Variants in ARHGAP10 observed in about 807,000 individuals in gnomAD.
The protein encoded by ARHGAP10 is rho GTPase-activating protein 10.
Under a neutral mutation model 108.6 loss-of-function variants are expected in ARHGAP10, and 87 were observed. The observed-to-expected ratio is 0.80, with a 90% CI of 0.67 to 0.96. The LOEUF (loss-of-function observed/expected upper bound fraction) is 0.96. ARHGAP10 is among the 40% of genes least tolerant of loss of function. ARHGAP10 has a pLI of 0.00. For synonymous variants in ARHGAP10, 347 were observed against 341.1 expected, an observed-to-expected ratio of 1.02 and a Z score of -0.19; for missense variants, 939 against 954.5, an observed-to-expected ratio of 0.98 and a Z score of 0.21.
chr4:147,777,335 T>C (rs1730340843), intron 1 of ARHGAP10, among the ~76,000 whole-genome samples: 1 of 151,604 alleles, frequency 6.6e-6, no homozygotes, highest in Admixed American at 6.6e-5. Flanking sequence ...TTCGGCTCAC[T>C]GCAAGCTCCA....
intron 18 of ARHGAP10, among the ~76,000 whole-genome samples, chr4:147,976,887 T>G (rs532034714): frequency 9.8e-5 from 15 of 152,346 alleles, no homozygotes; most frequent in African/African-American, 3.6e-4. Context: ...GTGCATAGAT[T>G]TATTCTGTGT....
At chr4:147,857,785 G>C in intron 5 of ARHGAP10, 131 bp downstream of exon 5, 1 of 795,736 alleles carries the variant, frequency 1.3e-6, no homozygotes, top group Non-Finnish European at 1.7e-6. Context: ...AACAGGTATT[G>C]TCATAAATTA....
chr4:147,864,738 AG>A, intron 5 of ARHGAP10, 107 bp from the exon 6 acceptor site: 1 of 816,686 alleles, frequency 1.2e-6, no homozygotes, highest in Non-Finnish European at 2.0e-6. Flanking sequence ...TTACAAAATC[AG>A]GCAGCACACC....
chr4:147,889,281 T>C (rs1735694139), intron 10 of ARHGAP10, among the ~76,000 whole-genome samples: 1 of 152,184 alleles, frequency 6.6e-6, no homozygotes, highest in South Asian at 2.1e-4. Context: ...TGATGCAGTT[T>C]GTACAAGGTT....
At chr4:147,798,009 C>T (rs946793484) in intron 1 of ARHGAP10, among the ~76,000 whole-genome samples, 2 of 152,160 alleles carry the variant, frequency 1.3e-5, no homozygotes, top group African/African-American at 4.8e-5. Flanking sequence ...AGATCGAGGA[C>T]CAAGAATTGT....
At chr4:147,987,032 G>A (rs370476644) in intron 18 of ARHGAP10, among the ~76,000 whole-genome samples, 151 of 152,254 alleles carry the variant, frequency 9.9e-4, no homozygotes, top group African/African-American at 3.4e-3. Flanking sequence ...GGATTATTGC[G>A]GATTGAACTG....
chr4:147,940,474 G>C (rs140062252), intron 14 of ARHGAP10, among the ~76,000 whole-genome samples: 1 of 152,230 alleles, frequency 6.6e-6, no homozygotes, highest in Non-Finnish European at 1.5e-5. Flanking sequence ...GACATTATGT[G>C]AATGACAAAG....
Position 147,851,637 on chromosome 4 carries a change from T to C in ARHGAP10, c.384+4415T>C, listed in dbSNP as rs545678402. On this transcript the variant is annotated intron_variant, in intron 4 of 22. Coordinates refer to ENST00000336498, the MANE Select transcript of ARHGAP10 (RefSeq NM_024605.4). ...TGTATTTAATAGAGCAGAAACAATA[T>C]TGATTTAGTTTAATTACATTTCTTT... Among the ~76,000 whole-genome samples the C allele has an allele frequency of 2.6e-5, 4 of 152,338 alleles. No individual in the cohort carries two copies. The South Asian group carries it at 8.3e-4, about 32-fold the overall frequency.
At chr4:147,789,082 C>G (rs192046183) in intron 1 of ARHGAP10, among the ~76,000 whole-genome samples, 44 of 152,308 alleles carry the variant, frequency 2.9e-4, no homozygotes, top group Non-Finnish European at 4.9e-4. Flanking sequence ...GTGACCTCCC[C>G]TCTTAGCGTC....
intron 18 of ARHGAP10, among the ~76,000 whole-genome samples, chr4:148,012,758 G>A (rs1741213794): frequency 6.6e-6 from 1 of 152,102 alleles, no homozygotes. Context: ...ACCAGGGGCT[G>A]AATAAATTCT....
intron 18 of ARHGAP10, among the ~76,000 whole-genome samples, chr4:148,019,364 A>G (rs995715723): frequency 2.6e-5 from 4 of 152,216 alleles, no homozygotes; most frequent in Non-Finnish European, 5.9e-5. Flanking sequence ...TGTACTGAAC[A>G]CTTTATAAAC....
rs556022354 is a variant in ARHGAP10 at position 147,981,025 on chromosome 4, T to C, written c.1716+14186T>C. Among the ~76,000 whole-genome samples, 5 of 152,310 alleles carry C rather than the reference T, an allele frequency of 3.3e-5. No homozygotes were observed. The East Asian group carries it at 7.7e-4, about 23-fold the overall frequency. On this transcript the variant is annotated intron_variant, in intron 18 of 22. Coordinates refer to ENST00000336498, the MANE Select transcript of ARHGAP10 (RefSeq NM_024605.4). ...CTTTCAGAGAACCAACTTTTCATTTTATTGATCTTTAGTATGGTATTTTTG... is the reference window on the plus strand; with the variant it reads ...CTTTCAGAGAACCAACTTTTCATTTCATTGATCTTTAGTATGGTATTTTTG...
chr4:148,039,937 C>T (rs1728559389), intron 19 of ARHGAP10, among the ~76,000 whole-genome samples: 1 of 152,134 alleles, frequency 6.6e-6, no homozygotes. Flanking sequence ...CTCTAAATCT[C>T]TGAGTTTTCT....
chr4:147,808,168 A>AC (rs1221940903), intron 1 of ARHGAP10, among the ~76,000 whole-genome samples: 1 of 152,010 alleles, frequency 6.6e-6, no homozygotes, highest in Non-Finnish European at 1.5e-5. Context: ...CAACTGTGGG[A>AC]CCCCAGTTAC....
intron 1 of ARHGAP10, among the ~76,000 whole-genome samples, chr4:147,782,987 ATTAT>A (rs1446184132): frequency 1.4e-5 from 2 of 140,494 alleles, no homozygotes; most frequent in African/African-American, 5.1e-5. Flanking sequence ...TATTATATAA[ATTAT>A]ATATATTATA....
chr4:147,907,520 G>A (rs1460263533), intron 11 of ARHGAP10, among the ~76,000 whole-genome samples: 3 of 152,204 alleles, frequency 2.0e-5, no homozygotes, highest in African/African-American at 7.2e-5. Flanking sequence ...AAAGAGAATG[G>A]TTTGAAAGTA....
At chr4:147,874,738 T>G (rs577812592) in intron 7 of ARHGAP10, among the ~76,000 whole-genome samples, 144 of 152,248 alleles carry the variant, frequency 9.5e-4, no homozygotes, top group African/African-American at 3.2e-3. Context: ...GCAGGAATTT[T>G]TATGTTGAAT....
At chr4:147,778,098 G>A (rs1730368102) in intron 1 of ARHGAP10, among the ~76,000 whole-genome samples, 1 of 152,258 alleles carries the variant, frequency 6.6e-6, no homozygotes, top group South Asian at 2.1e-4. Flanking sequence ...ATGGGTTTGT[G>A]ACAGGGGAGA....
intron 18 of ARHGAP10, among the ~76,000 whole-genome samples, chr4:148,019,396 A>G (rs1341268353): frequency 6.6e-6 from 1 of 152,196 alleles, no homozygotes; most frequent in Non-Finnish European, 1.5e-5. Flanking sequence ...TAATCCCTGT[A>G]GTACAGGCAT....
Sources: allele counts gnomAD v4.1 joint callset (sites outside exome capture counted in the v4.1 genomes callset), GRCh38; gene constraint gnomAD v4.1.1; transcripts MANE v1.5; gene names NCBI Gene and HGNC (gene_info 2026-07-23, HGNC 2026-07-21).